Variants in PLCB1 observed in about 807,000 individuals in gnomAD.
PLCB1 encodes 1-phosphatidylinositol 4,5-bisphosphate phosphodiesterase beta-1.
PLCB1 carries 46 observed loss-of-function variants against 161.8 expected under a neutral mutation model. That is an observed-to-expected ratio of 0.28 (90% CI 0.22 to 0.36). The LOEUF (loss-of-function observed/expected upper bound fraction) is 0.36, where lower values mean the gene tolerates loss of function less well. Among genes scored for constraint, PLCB1 ranks in the 10% least tolerant of loss-of-function variants. The probability of loss-of-function intolerance (pLI) is 1.00; values close to 1 mark genes in which losing one functional copy is unlikely to be tolerated. For synonymous variants in PLCB1, 517 were observed against 503.7 expected (o/e 1.03, Z -0.35); for missense variants, 1,016 against 1,472.5 (o/e 0.69, Z 5.07).
At chr20:8,450,360 C>T (rs1981016270) in intron 3 of PLCB1, among the ~76,000 whole-genome samples, 1 of 152,074 alleles carries the variant, frequency 6.6e-6, no homozygotes. Context: ...ATGAACAAAG[C>T]CATCACATAA....
rs552883430 is a variant in PLCB1 at position 8,873,593 on chromosome 20, C to T, written c.3424-8029C>T. Among the ~76,000 whole-genome samples, 14 of 152,120 alleles carry T rather than the reference C, an allele frequency of 9.2e-5. No homozygotes were observed. The South Asian group carries it at 2.9e-3, about 32-fold the overall frequency. Reference sequence around the variant, plus strand: ...GAGAAATAGAATAAATAAAGATACTCATAATTCTAACACAGTTTATATTTT... The same window carrying T: ...GAGAAATAGAATAAATAAAGATACTTATAATTCTAACACAGTTTATATTTT... On this transcript the variant is annotated intron_variant, in intron 31 of 31. Transcript: ENST00000338037.
chr20:8,203,557 C>T (rs1029288151), intron 2 of PLCB1, among the ~76,000 whole-genome samples: 1 of 150,774 alleles, frequency 6.6e-6, no homozygotes, highest in Non-Finnish European at 1.5e-5. Context: ...GTCACCAGGC[C>T]GGGGGTGGGG....
At chr20:8,619,601 T>TA (rs1988124071) in intron 3 of PLCB1, among the ~76,000 whole-genome samples, 1 of 152,154 alleles carries the variant, frequency 6.6e-6, no homozygotes, top group Non-Finnish European at 1.5e-5. Flanking sequence ...ACACTAATGA[T>TA]ATAAGGTGAA....
intron 7 of PLCB1, among the ~76,000 whole-genome samples, chr20:8,653,771 G>A (rs1989380300): frequency 6.6e-6 from 1 of 151,994 alleles, no homozygotes; most frequent in Non-Finnish European, 1.5e-5. Flanking sequence ...AATATTTAGT[G>A]TACTGGTTTA....
In PLCB1 at chr20:8,484,880, A is replaced by G. The variant is rs926763340; in HGVS notation, c.246+113430A>G. ...ACTCCAGGAGAGTTTGCTCACTGCT[A>G]TATCCCCCAGTTGTGCATGTGGGTA... On this transcript the variant is annotated intron_variant, in intron 3 of 31. Transcript: ENST00000338037. Among the ~76,000 whole-genome samples, 4 of 152,192 alleles carry G rather than the reference A, an allele frequency of 2.6e-5. No homozygotes were observed. The East Asian group carries it at 5.8e-4, about 22-fold the overall frequency.
intron 3 of PLCB1, among the ~76,000 whole-genome samples, chr20:8,566,444 A>T (rs191039788): frequency 3.3e-5 from 5 of 152,296 alleles, no homozygotes; most frequent in Non-Finnish European, 5.9e-5. Context: ...AGTGTGACTT[A>T]TCCTGTGGAA....
At chr20:8,757,247 G>A in intron 24 of PLCB1, 69 bp downstream of exon 24, 2 of 1,489,104 alleles carry the variant, frequency 1.3e-6, no homozygotes. Context: ...ACTGACGGAG[G>A]CGCTGTGATG....
intron 2 of PLCB1, among the ~76,000 whole-genome samples, chr20:8,168,175 G>A (rs2051694210): frequency 6.6e-6 from 1 of 152,208 alleles, no homozygotes; most frequent in African/African-American, 2.4e-5. Flanking sequence ...TCATTCATAG[G>A]TTGGGGAAAT....
intron 12 of PLCB1, among the ~76,000 whole-genome samples, chr20:8,715,233 G>GA (rs111974191): frequency 5.3e-5 from 8 of 152,164 alleles, no homozygotes; most frequent in East Asian, 1.9e-4. Flanking sequence ...CACGAAATGA[G>GA]AAAAAAAATT....
chr20:8,408,329 C>G (rs1978876731), intron 3 of PLCB1, among the ~76,000 whole-genome samples: 1 of 151,934 alleles, frequency 6.6e-6, no homozygotes, highest in Non-Finnish European at 1.5e-5. Flanking sequence ...GGGAAGATTA[C>G]CGGGGGCCAG....
At chr20:8,440,820 T>G (rs1037477354) in intron 3 of PLCB1, among the ~76,000 whole-genome samples, 3 of 151,604 alleles carry the variant, frequency 2.0e-5, no homozygotes, top group African/African-American at 4.9e-5. Context: ...CACAAAGAAA[T>G]GATAAATGTT....
At chr20:8,517,483 G>A (rs1180399411) in intron 3 of PLCB1, among the ~76,000 whole-genome samples, 1 of 152,170 alleles carries the variant, frequency 6.6e-6, no homozygotes, top group African/African-American at 2.4e-5. Context: ...AGCTAAATAT[G>A]ATAACCTCAT....
chr20:8,670,518 G>A (rs1182842567), intron 9 of PLCB1, among the ~76,000 whole-genome samples: 1 of 152,162 alleles, frequency 6.6e-6, no homozygotes, highest in Non-Finnish European at 1.5e-5. Flanking sequence ...ACCATATCTT[G>A]GAGCTGTATT....
intron 2 of PLCB1, among the ~76,000 whole-genome samples, chr20:8,274,168 C>T (rs1231121159): frequency 6.6e-6 from 1 of 151,342 alleles, no homozygotes; most frequent in African/African-American, 2.4e-5. Context: ...GTTTTTGCAC[C>T]ACACACACAC....
intron 17 of PLCB1, 26 bp from the exon 18 acceptor site, chr20:8,729,024 A>T: frequency 6.8e-7 from 1 of 1,479,106 alleles, no homozygotes; most frequent in Non-Finnish European, 9.1e-7. Context: ...TTATAATTGT[A>T]TTCACTACTT....
chr20:8,494,900 T>G (rs1222958871), intron 3 of PLCB1, among the ~76,000 whole-genome samples: 2 of 152,184 alleles, frequency 1.3e-5, no homozygotes, highest in Admixed American at 6.5e-5. Context: ...ATGGTTGTTA[T>G]GTTGAGGACT....
At chr20:8,162,929 T>C (rs1468290079) in intron 2 of PLCB1, among the ~76,000 whole-genome samples, 2 of 152,236 alleles carry the variant, frequency 1.3e-5, no homozygotes, top group African/African-American at 4.8e-5. Flanking sequence ...AGTATATGCC[T>C]TCTTAGATAC....
At chr20:8,869,617 A>C (rs1254863363) in intron 31 of PLCB1, among the ~76,000 whole-genome samples, 3 of 152,252 alleles carry the variant, frequency 2.0e-5, no homozygotes, top group Admixed American at 2.0e-4. Context: ...AGAAATTATA[A>C]GAGTCATGGG....
chr20:8,640,336 T>A (rs913000205), intron 4 of PLCB1, among the ~76,000 whole-genome samples: 2 of 152,206 alleles, frequency 1.3e-5, no homozygotes, highest in African/African-American at 4.8e-5. Context: ...TTCACATACA[T>A]CTTACTAAGG....
Sources: gnomAD v4.1 joint callset for allele counts (sites outside exome capture counted in the v4.1 genomes callset) on GRCh38, gnomAD v4.1.1 for gene constraint, MANE v1.5 for transcripts, NCBI Gene and HGNC (gene_info 2026-07-23, HGNC 2026-07-21) for gene names.